Variants in PPFIA3 observed in about 807,000 individuals in gnomAD.
PPFIA3 encodes the protein PPFI scaffold protein A3.
PPFIA3 carries 26 observed loss-of-function variants against 145.8 expected under a neutral mutation model. The observed-to-expected ratio is 0.18, with a 90% CI of 0.13 to 0.25. The LOEUF (loss-of-function observed/expected upper bound fraction) is 0.25. Ranked by LOEUF, PPFIA3 falls within the 10% of genes least tolerant of loss-of-function variation. PPFIA3 has a pLI of 1.00. For synonymous variants in PPFIA3, 645 were observed against 661.4 expected (o/e 0.98, Z 0.38); for missense variants, 1,008 against 1,587.8 (o/e 0.63, Z 6.21).
intron 17 of PPFIA3, 61 bp from the exon 18 acceptor site, chr19:49,139,900 A>C (rs547515531): frequency 1.2e-6 from 2 of 1,613,200 alleles, no homozygotes; most frequent in African/African-American, 2.7e-5. Flanking sequence ...GTGGACAAGG[A>C]CTTGGGAGGA....
intron 13 of PPFIA3, 62 bp from the exon 14 acceptor site, chr19:49,135,717 C>T: frequency 6.6e-7 from 1 of 1,517,892 alleles, no homozygotes; most frequent in Non-Finnish European, 8.9e-7. Context: ...GTCTCTGTGA[C>T]CCTTACCTCT....
chr19:49,149,958 G>A lies in PPFIA3; in HGVS notation c.3527-122G>A. The A allele has an allele frequency of 7.8e-7, 1 of 1,278,302 alleles. No individual in the cohort carries two copies. The highest frequency in any genetic ancestry group is 1.1e-6 in the Non-Finnish European group (1 of 922,198). 79.2% of individuals were successfully genotyped at this position (1,278,302 alleles called of 1,614,324 possible). ...AGTCCTTGGCTGCGGGGAAGGGAGG[G>A]AAACCCATGTGGAGCCCGGCGATCG... is the stretch of plus-strand genomic sequence containing the variant. On this transcript the variant is annotated intron_variant, in intron 28 of 29. Transcript: ENST00000334186. The surrounding 1 kb of genome is among the most constrained non-coding windows in gnomAD (Gnocchi z 5.7).
Position 49,149,125 on chromosome 19 carries a change from C to A in PPFIA3, c.3242C>A (p.Ser1081Tyr), listed in dbSNP as rs1452709178. The A allele has an allele frequency of 1.2e-6, 2 of 1,614,148 alleles. No individual in the cohort carries two copies. Among genetic ancestry groups the A allele is most frequent in the East Asian group, 4.5e-5 (2 of 44,874 alleles). ...GCCCTGGACGAGACCTTCGACTACT[C>A]CGACCTGGCCTTGCTCCTGCAGATC... ...LLALDETFDY[S>Y]DLALLLQIPT... The change falls in exon 26 of 30, where the codon TCC becomes TAC. Residue 1081 changes from serine to tyrosine, a missense_variant. Ser to Tyr is a moderately radical substitution (Grantham distance 144). Transcript: ENST00000334186. This position sits in a 1 kb window ranked among gnomAD's most constrained non-coding sequence, Gnocchi z 5.7.
At position 49,146,174 on chromosome 19, in the gene PPFIA3, G is replaced by A. The variant is rs767566926; in HGVS notation, c.2817G>A (p.Lys939=). ...SLTATTKPET[K]EISWEQILAY... ...TCCTACTAACGGGTCAGGAGACCAA[G>A]GAGATCAGCTGGGAGCAGGTAGGGG... The change falls in exon 23 of 30, where the codon AAG becomes AAA. Residue 939 remains lysine, a synonymous_variant. Transcript: ENST00000334186. 6.2e-7 allele frequency: 1 copy of A among 1,614,048 alleles called. No homozygotes were observed. Among genetic ancestry groups the A allele is most frequent in the African/African-American group, 1.3e-5 (1 of 74,930 alleles).
intron 1 of PPFIA3, among the ~76,000 whole-genome samples, chr19:49,127,349 C>T (rs1279124127): frequency 1.6e-5 from 2 of 126,602 alleles, no homozygotes; most frequent in Admixed American, 9.4e-5. Flanking sequence ...GATCGCATCA[C>T]TGCACTCCAG....
chr19:49,137,494 G>A (rs895777710), intron 15 of PPFIA3, among the ~76,000 whole-genome samples: 6 of 151,920 alleles, frequency 3.9e-5, no homozygotes, highest in Non-Finnish European at 8.8e-5. Flanking sequence ...GCCAGGCATG[G>A]TGGCAGGCGC....
chr19:49,121,305 C>A (rs1302314958), intron 1 of PPFIA3, among the ~76,000 whole-genome samples: 2 of 151,950 alleles, frequency 1.3e-5, no homozygotes, highest in African/African-American at 4.8e-5. Context: ...AAATTTCTTT[C>A]TTTCTATTTA....
chr19:49,123,801 C>T (rs1288770381), intron 1 of PPFIA3, among the ~76,000 whole-genome samples: 1 of 152,134 alleles, frequency 6.6e-6, no homozygotes, highest in Non-Finnish European at 1.5e-5. Flanking sequence ...TTTCCTTCCC[C>T]CGGTTCTAGG....
Position 49,122,946 on chromosome 19 carries a change from C to G in PPFIA3, c.-16+3224C>G, listed in dbSNP as rs554926399. Among the ~76,000 whole-genome samples, 3 of 151,356 alleles carry G rather than the reference C, an allele frequency of 2.0e-5. No individual in the cohort carries two copies. The South Asian group carries it at 6.3e-4, about 32-fold the overall frequency. ...CCGTGTTAGCCAGGATGGTCTCTAT[C>G]TGTTAACCTCGTGATCCACCTGCCT... is the stretch of plus-strand genomic sequence containing the variant. On this transcript the variant is annotated intron_variant, in intron 1 of 29. Coordinates refer to ENST00000334186, the MANE Select transcript of PPFIA3 (RefSeq NM_003660.4).
chr19:49,130,210 G>A lies in PPFIA3; in HGVS notation c.657+143G>A. 8.6e-7 allele frequency: 1 copy of A among 1,164,278 alleles called. No individual in the cohort carries two copies. Among genetic ancestry groups the A allele is most frequent in the Non-Finnish European group, 1.2e-6 (1 of 835,966 alleles). 72.1% of individuals were successfully genotyped at this position (1,164,278 alleles called of 1,614,324 possible). A position where few individuals can be genotyped will look rare whatever the true frequency, so the allele number is the denominator to read the frequency against. The stretch of plus-strand genomic sequence containing the variant: ...TCACAGAGCTTGGACCTCTGATTCA[G>A]GTCACCTAGCGAACTTCTGTGACCT... On this transcript the variant is annotated intron_variant, in intron 6 of 29. Coordinates refer to ENST00000334186, the MANE Select transcript of PPFIA3 (RefSeq NM_003660.4). This position sits in a 1 kb window ranked among gnomAD's most constrained non-coding sequence, Gnocchi z 4.5.
Position 49,133,276 on chromosome 19 carries a change from G to A in PPFIA3, c.1066G>A (p.Asp356Asn), listed in dbSNP as rs1167444453. Residue 356 changes from aspartate (D) to asparagine (N), a missense_variant, in exon 9 of 30, where the codon GAC (aspartate) becomes AAC (asparagine). By Grantham distance (23) the Asp-to-Asn change is conservative. This residue lies in a region of PPFIA3 where 109 missense variants were observed against 198.1 expected (regional missense o/e 0.55). Coordinates refer to ENST00000334186, the MANE Select transcript of PPFIA3 (RefSeq NM_003660.4). The surrounding 1 kb of genome is among the most constrained non-coding windows in gnomAD (Gnocchi z 7.2). ...KSRQLAEWLDDAKQKLQQTLQ... is the reference protein window; with the variant it reads ...KSRQLAEWLDNAKQKLQQTLQ... Reference sequence around the variant, plus strand: ...CCGTCAGCTGGCCGAGTGGTTGGACGACGCCAAGCAGAAGCTGCAGCAGAC... The same window carrying A: ...CCGTCAGCTGGCCGAGTGGTTGGACAACGCCAAGCAGAAGCTGCAGCAGAC... The A allele has an allele frequency of 6.2e-7, 1 of 1,609,742 alleles. No individual in the cohort carries two copies. Among genetic ancestry groups the A allele is most frequent in the East Asian group, 2.2e-5 (1 of 44,744 alleles).
chr19:49,141,577 T>C (rs2041222637), intron 19 of PPFIA3, 64 bp downstream of exon 19: 5 of 1,295,950 alleles, frequency 3.9e-6, no homozygotes, highest in African/African-American at 4.1e-5. Context: ...TGAGGGTGTG[T>C]GTGTGCGTGT....
At chr19:49,132,338 G>T (rs529730279) in intron 7 of PPFIA3, among the ~76,000 whole-genome samples, 2 of 131,428 alleles carry the variant, frequency 1.5e-5, no homozygotes, top group Non-Finnish European at 1.5e-5. Flanking sequence ...GCAGTGAGCC[G>T]AGATCGCACC....
Position 49,149,431 on chromosome 19 carries a change from C to CAGGAG in PPFIA3, c.3354+110_3355-108dup. ...TAATGGTCACGGTTGGAGGCGGGGC[C>CAGGAG]AGGAGAGGGGCGGGGTTAAAGGAGA... On this transcript the variant is annotated intron_variant, in intron 27 of 29. Transcript: ENST00000334186. This position sits in a 1 kb window ranked among gnomAD's most constrained non-coding sequence, Gnocchi z 5.7. 1.3e-6 allele frequency: 2 copies of CAGGAG among 1,584,782 alleles called. No individual in the cohort carries two copies. The highest frequency in any genetic ancestry group is 1.7e-6 in the Non-Finnish European group (2 of 1,155,528).
intron 1 of PPFIA3, among the ~76,000 whole-genome samples, chr19:49,127,654 A>G (rs2041018668): frequency 6.6e-6 from 1 of 151,678 alleles, no homozygotes; most frequent in Non-Finnish European, 1.5e-5. Flanking sequence ...CTGGTGGCCA[A>G]TCTTTGGTTT....
rs369188041 is a variant in PPFIA3 at position 49,139,702 on chromosome 19, G to C, written c.2111G>C (p.Arg704Pro). The C allele has an allele frequency of 6.2e-7, 1 of 1,610,772 alleles. No individual in the cohort carries two copies. The highest frequency in any genetic ancestry group is 1.3e-5 in the African/African-American group (1 of 74,742). ...HVPKEEAGAP[R>P]GEGPAIPGDT... The stretch of plus-strand genomic sequence containing the variant: ...CCTAAGGAGGAAGCTGGAGCTCCAC[G>C]AGGGGAGGGGCCGGCCATCCCAGGA... Residue 704 changes from arginine (R) to proline (P), a missense_variant, in exon 17 of 30, where the codon CGA becomes CCA. Transcript: ENST00000334186.
At chr19:49,143,151 C>G (rs529081279) in intron 21 of PPFIA3, 147 bp downstream of exon 21, 15 of 918,368 alleles carry the variant, frequency 1.6e-5, no homozygotes, top group Non-Finnish European at 2.3e-5. Flanking sequence ...CCCCTCCACT[C>G]CTAACTTGGC....
intron 23 of PPFIA3, chr19:49,146,478 G>C (rs2041282060): frequency 9.3e-6 from 5 of 535,248 alleles, no homozygotes; most frequent in Admixed American, 6.8e-5. Context: ...TGTAGCTCAG[G>C]AGAGACTGAG....
chr19:49,123,335 C>T (rs1349790046), intron 1 of PPFIA3, among the ~76,000 whole-genome samples: 1 of 151,388 alleles, frequency 6.6e-6, no homozygotes, highest in Non-Finnish European at 1.5e-5. Context: ...GGCCTGTTAT[C>T]GTTGTTTAGA....
Sources: allele counts gnomAD v4.1 joint callset (sites outside exome capture counted in the v4.1 genomes callset), GRCh38; gene constraint gnomAD v4.1.1; regional missense constraint gnomAD v4.1.1; non-coding constraint Gnocchi (gnomAD v3.1); transcripts MANE v1.5; gene names NCBI Gene and HGNC (gene_info 2026-07-23, HGNC 2026-07-21).